MYL1: variants seen among roughly 807,000 people sequenced by gnomAD.
MYL1 encodes myosin light chain 1.
Under a neutral mutation model 21.8 loss-of-function variants are expected in MYL1, and 16 were observed. The ratio of observed to expected loss-of-function variants is 0.74; its 90% confidence interval spans 0.50 to 1.12. The LOEUF is 1.12. Among genes scored for constraint, MYL1 ranks in the 50% most tolerant of loss-of-function variants. The pLI, the probability that MYL1 is intolerant of heterozygous loss-of-function variation, is 0.00. For synonymous variants in MYL1, 99 were observed against 85.2 expected (o/e 1.16, Z -0.89); for missense variants, 246 against 241.0 (o/e 1.02, Z -0.14).
intron 1 of MYL1, among the ~76,000 whole-genome samples, chr2:210,306,626 T>C (rs1192495867): frequency 1.3e-5 from 2 of 152,044 alleles, no homozygotes; most frequent in Non-Finnish European, 2.9e-5. Context: ...GGCTACAGTA[T>C]AGTCTAGAGA....
In MYL1 at chr2:210,302,470, C is replaced by T. The variant is rs1396740826; in HGVS notation, c.160+18G>A. 3.1e-6 allele frequency: 5 copies of T among 1,604,624 alleles called. No homozygotes were observed. The Admixed American group carries it at 8.7e-5, about 28-fold the overall frequency. ...TTTATGAGTGTGCACATTTAAGAAC[C>T]ATAGCTTTTAAACTTACCATCCTGC... is the stretch of plus-strand genomic sequence containing the variant. On this transcript the variant is annotated intron_variant, in intron 2 of 6. Coordinates refer to ENST00000352451, the MANE Select transcript of MYL1 (RefSeq NM_079420.3).
intron 1 of MYL1, among the ~76,000 whole-genome samples, chr2:210,306,524 C>G (rs1231893525): frequency 6.6e-6 from 1 of 152,070 alleles, no homozygotes; most frequent in Non-Finnish European, 1.5e-5. Context: ...TTCTCCATAC[C>G]TTTATCACAT....
chr2:210,314,513 G>T (rs761095257), intron 1 of MYL1, among the ~76,000 whole-genome samples: 1 of 152,190 alleles, frequency 6.6e-6, no homozygotes, highest in Non-Finnish European at 1.5e-5. Flanking sequence ...ATAAGTAGGG[G>T]CTAAAACGTT....
At chr2:210,305,328 T>G (rs546388642) in intron 1 of MYL1, among the ~76,000 whole-genome samples, 19 of 152,268 alleles carry the variant, frequency 1.2e-4, no homozygotes, top group Non-Finnish European at 2.2e-4. Flanking sequence ...TAGCTTGACA[T>G]TTTGAAAGGT....
chr2:210,296,451 G>A (rs539283268), intron 3 of MYL1, among the ~76,000 whole-genome samples: 44 of 152,020 alleles, frequency 2.9e-4, no homozygotes, highest in African/African-American at 8.7e-4. Context: ...TCCTCTCTTC[G>A]TTAAAGATAG....
At chr2:210,305,099 G>A (rs1042790801) in intron 1 of MYL1, among the ~76,000 whole-genome samples, 2 of 152,110 alleles carry the variant, frequency 1.3e-5, no homozygotes, top group African/African-American at 4.8e-5. Flanking sequence ...TTTTTAGGGG[G>A]ATGGTCACAA....
chr2:210,307,489 G>A (rs1402104411), intron 1 of MYL1, among the ~76,000 whole-genome samples: 1 of 152,106 alleles, frequency 6.6e-6, no homozygotes, highest in African/African-American at 2.4e-5. Context: ...TTGAATTATT[G>A]TTTATGTACC....
chr2:210,314,896 C>A lies in MYL1; in HGVS notation c.132+15G>T. 3 of 1,613,678 alleles carry A rather than the reference C, an allele frequency of 1.9e-6. No individual in the cohort carries two copies. Among genetic ancestry groups the A allele is most frequent in the South Asian group, 2.2e-5 (2 of 91,008 alleles). On this transcript the variant is annotated intron_variant, in intron 1 of 6. Coordinates refer to ENST00000352451, the MANE Select transcript of MYL1 (RefSeq NM_079420.3). ...AAGATGTTTCAGTGACCAAACAGTT[C>A]ATCCATTTAGTTACCTTAATGGCAG...
intron 5 of MYL1, among the ~76,000 whole-genome samples, chr2:210,293,067 A>T (rs756825337): frequency 3.3e-5 from 5 of 150,982 alleles, no homozygotes; most frequent in Non-Finnish European, 5.9e-5. Context: ...GTCTTTATTT[A>T]TATGTAACTT....
rs114249761 is a variant in MYL1, at chr2:210,291,893, T to C, written c.557-819A>G. Among the ~76,000 whole-genome samples, 831 of 152,284 alleles carry C rather than the reference T, an allele frequency of 5.5e-3. 10 individuals carry two copies. Among genetic ancestry groups the C allele is most frequent in the African/African-American group, 0.019 (786 of 41,566 alleles). ...TCTAGAGACTAAGTCTCTCCAGAAG[T>C]AGATTTGCTGCAATTAGTAGTACCA... On this transcript the variant is annotated intron_variant, in intron 5 of 6. Transcript: ENST00000352451.
At chr2:210,306,574 C>T (rs1690344554) in intron 1 of MYL1, among the ~76,000 whole-genome samples, 1 of 152,042 alleles carries the variant, frequency 6.6e-6, no homozygotes, top group Non-Finnish European at 1.5e-5. Context: ...TACTGAGAAT[C>T]AACATAAATA....
chr2:210,309,337 CAT>C (rs559538925), intron 1 of MYL1, among the ~76,000 whole-genome samples: 2 of 151,888 alleles, frequency 1.3e-5, no homozygotes, highest in Non-Finnish European at 2.9e-5. Flanking sequence ...AAACAGGAGA[CAT>C]ATGCCACGGG....
Position 210,290,252 on chromosome 2 carries a change from T to G in MYL1, c.*230A>C, listed in dbSNP as rs976062124. On this transcript the variant is annotated 3_prime_UTR_variant, in exon 7 of 7. Coordinates refer to ENST00000352451, the MANE Select transcript of MYL1 (RefSeq NM_079420.3). ...GTGCTTGGATTTGAGATTGTCAATATTTTATTCTTCTCATCTAGAGCAGCA... is the reference window on the plus strand; with the variant it reads ...GTGCTTGGATTTGAGATTGTCAATAGTTTATTCTTCTCATCTAGAGCAGCA... 1 of 152,140 alleles carries G rather than the reference T, an allele frequency of 6.6e-6. No individual in the cohort carries two copies. The highest frequency in any genetic ancestry group is 2.4e-5 in the African/African-American group (1 of 41,448). 9.4% of individuals were successfully genotyped at this position (152,140 alleles called of 1,614,324 possible).
At chr2:210,300,925 C>T (rs1306952715) in intron 2 of MYL1, among the ~76,000 whole-genome samples, 1 of 152,022 alleles carries the variant, frequency 6.6e-6, no homozygotes, top group Admixed American at 6.6e-5. Context: ...TATAGTTTTT[C>T]CACATAATTT....
intron 1 of MYL1, among the ~76,000 whole-genome samples, chr2:210,312,047 A>T (rs965382031): frequency 6.6e-6 from 1 of 152,062 alleles, no homozygotes; most frequent in Admixed American, 6.6e-5. Context: ...TGGAAAGCAC[A>T]TTTAAGCAGT....
intron 1 of MYL1, among the ~76,000 whole-genome samples, chr2:210,310,820 A>T (rs1690409213): frequency 6.6e-6 from 1 of 151,992 alleles, no homozygotes; most frequent in African/African-American, 2.4e-5. Flanking sequence ...TCTACCTCAT[A>T]CCCTTAAGAG....
chr2:210,307,797 TTAAC>T (rs1690358931), intron 1 of MYL1, among the ~76,000 whole-genome samples: 1 of 152,192 alleles, frequency 6.6e-6, no homozygotes, highest in African/African-American at 2.4e-5. Context: ...TGAGATTAAA[TTAAC>T]TAATTAAACA....
chr2:210,307,957 T>G (rs1690361025), intron 1 of MYL1, among the ~76,000 whole-genome samples: 1 of 152,124 alleles, frequency 6.6e-6, no homozygotes, highest in African/African-American at 2.4e-5. Context: ...AGGTTAAGCC[T>G]TAGTAAAAGA....
rs1690055327 is a variant in MYL1, at chr2:210,290,309, C to G, written c.*173G>C. 1 of 152,060 alleles carries G rather than the reference C, an allele frequency of 6.6e-6. No individual in the cohort carries two copies. Among genetic ancestry groups the G allele is most frequent in the Non-Finnish European group, 1.5e-5 (1 of 68,006 alleles). 9.4% of individuals were successfully genotyped at this position (152,060 alleles called of 1,614,324 possible). A position where few individuals can be genotyped will look rare whatever the true frequency, so the allele number is the denominator to read the frequency against. On this transcript the variant is annotated 3_prime_UTR_variant, in exon 7 of 7. Coordinates refer to ENST00000352451, the MANE Select transcript of MYL1 (RefSeq NM_079420.3). Reference sequence around the variant, plus strand: ...TTGTTTGTGTGGTATGAATTCAATTCAGAGAAAAACTGAAGATGTATAAAA... The same window carrying G: ...TTGTTTGTGTGGTATGAATTCAATTGAGAGAAAAACTGAAGATGTATAAAA...
Sources: gnomAD v4.1 joint callset for allele counts (sites outside exome capture counted in the v4.1 genomes callset) on GRCh38, gnomAD v4.1.1 for gene constraint, MANE v1.5 for transcripts, NCBI Gene and HGNC (gene_info 2026-07-23, HGNC 2026-07-21) for gene names.